PCM1: variants seen among roughly 807,000 people sequenced by gnomAD.
PCM1 encodes pericentriolar material 1 protein.
Under a neutral mutation model 241.9 loss-of-function variants are expected in PCM1, and 157 were observed. The ratio of observed to expected loss-of-function variants is 0.65; its 90% CI spans 0.57 to 0.74. PCM1 has a LOEUF of 0.74. Ranked by LOEUF, PCM1 falls within the 30% of genes least tolerant of loss-of-function variation. PCM1 has a pLI of 0.00. For missense variants in PCM1, 3,478 were observed against 2,360.1 expected, an observed-to-expected ratio of 1.47 and a Z score of -9.81; for synonymous variants, 1,085 against 784.9, an observed-to-expected ratio of 1.38 and a Z score of -6.39.
At position 18,010,679 on chromosome 8, in the gene PCM1, A is replaced by T; in HGVS notation, c.5220+11A>T. On this transcript the variant is annotated intron_variant, in intron 32 of 38. Transcript: ENST00000325083. Reference sequence around the variant, plus strand: ...GATGATGAAGACAAAGTATGTGCTAATTAATTTTTGCCTAAAAATATGGCT... The same window carrying T: ...GATGATGAAGACAAAGTATGTGCTATTTAATTTTTGCCTAAAAATATGGCT... 1 of 1,585,862 alleles carries T rather than the reference A, an allele frequency of 6.3e-7. No homozygotes were observed. The highest frequency in any genetic ancestry group is 8.6e-7 in the Non-Finnish European group (1 of 1,165,320).
intron 21 of PCM1, 66 bp downstream of exon 21, chr8:17,967,236 A>C: frequency 8.9e-7 from 1 of 1,125,496 alleles, no homozygotes; most frequent in Non-Finnish European, 1.3e-6. Flanking sequence ...TAATTTGTCT[A>C]TTGCCTAGAT....
chr8:17,986,133 C>A, intron 26 of PCM1, 46 bp downstream of exon 26: 4 of 1,302,380 alleles, frequency 3.1e-6, no homozygotes, highest in Non-Finnish European at 3.1e-6. Context: ...TTTTAGTATG[C>A]AGTAAATAAA....
At chr8:17,979,783 A>T (rs556989273) in intron 23 of PCM1, among the ~76,000 whole-genome samples, 49 of 91,288 alleles carry the variant, frequency 5.4e-4, no homozygotes, top group African/African-American at 2.4e-3. Flanking sequence ...ATTGTTTTTA[A>T]AATTAAAAAC....
At chr8:17,945,772 C>T (rs572510962) in intron 6 of PCM1, among the ~76,000 whole-genome samples, 3 of 152,220 alleles carry the variant, frequency 2.0e-5, no homozygotes, top group Admixed American at 6.5e-5. Flanking sequence ...ATGTACATAG[C>T]AAGTGTAGAT....
In PCM1 at chr8:17,952,970, C is replaced by A. The variant is rs760562477; in HGVS notation, c.1072C>A (p.Pro358Thr). 13 of 1,545,404 alleles carry A rather than the reference C, an allele frequency of 8.4e-6. No individual in the cohort carries two copies. In the Middle Eastern group the frequency reaches 5.2e-4, roughly 61 times the overall value. ...TTTTTTGTTGTTTTTTTTTAATAAGCCTCCAGCTGTTCCAGACAATAGAAG... is the reference window on the plus strand; with the variant it reads ...TTTTTTGTTGTTTTTTTTTAATAAGACTCCAGCTGTTCCAGACAATAGAAG... ...RFHNQLRDSQ[P>T]PAVPDNRRQA... The change falls in exon 9 of 39, where the codon CCT (proline) becomes ACT (threonine). Residue 358 changes from proline (P) to threonine (T), a missense_variant and splice_region_variant. By Grantham distance (38) the Pro-to-Thr change is conservative. Transcript: ENST00000325083.
chr8:17,939,140 T>G (rs1323393215), intron 5 of PCM1, 131 bp downstream of exon 5: 2 of 751,512 alleles, frequency 2.7e-6, no homozygotes, highest in Non-Finnish European at 4.3e-6. Context: ...TGACCTCCTT[T>G]GTTAATCTGC....
intron 29 of PCM1, among the ~76,000 whole-genome samples, chr8:17,995,750 TTA>T: frequency 6.6e-6 from 1 of 152,272 alleles, no homozygotes; most frequent in East Asian, 1.9e-4. Context: ...CATCAGTGTT[TTA>T]TAGTTTTCAT....
At chr8:18,020,732 C>T (rs968492978) in intron 36 of PCM1, among the ~76,000 whole-genome samples, 4 of 152,132 alleles carry the variant, frequency 2.6e-5, no homozygotes, top group Non-Finnish European at 4.4e-5. Context: ...CAGGACAACC[C>T]GAAGAATTAC....
intron 36 of PCM1, among the ~76,000 whole-genome samples, chr8:18,021,707 C>G (rs1298064595): frequency 1.3e-5 from 2 of 152,206 alleles, no homozygotes; most frequent in African/African-American, 4.8e-5. Flanking sequence ...TATCTTGAAA[C>G]TAAAATTAGC....
At chr8:17,959,450 G>A (rs2070547904) in intron 13 of PCM1, among the ~76,000 whole-genome samples, 1 of 151,984 alleles carries the variant, frequency 6.6e-6, no homozygotes. Context: ...TCGCTATTTA[G>A]AAACAATGCA....
intron 36 of PCM1, among the ~76,000 whole-genome samples, chr8:18,023,241 T>C (rs961199627): frequency 2.0e-5 from 3 of 152,244 alleles, no homozygotes; most frequent in Non-Finnish European, 4.4e-5. Context: ...GATATGACTC[T>C]TTAAATGGTT....
chr8:17,923,509 C>T (rs1331203098), intron 1 of PCM1, among the ~76,000 whole-genome samples: 1 of 152,152 alleles, frequency 6.6e-6, no homozygotes, highest in Admixed American at 6.5e-5. Context: ...CCGGCTATAC[C>T]CCTTGCGGGC....
At chr8:18,017,081 A>C (rs934907956) in intron 36 of PCM1, among the ~76,000 whole-genome samples, 4 of 152,224 alleles carry the variant, frequency 2.6e-5, no homozygotes, top group African/African-American at 9.6e-5. Context: ...CATAAGCCTC[A>C]GAAGAGTATT....
intron 8 of PCM1, among the ~76,000 whole-genome samples, chr8:17,951,780 TTTAG>T (rs2066112623): frequency 6.6e-6 from 1 of 152,170 alleles, no homozygotes; most frequent in Non-Finnish European, 1.5e-5. Context: ...CAAACAGAGC[TTTAG>T]TTAAATCTGT....
chr8:17,960,038 A>G lies in PCM1; in HGVS notation c.2065A>G (p.Ile689Val), dbSNP rs768834614. 4 of 1,612,812 alleles carry G rather than the reference A, an allele frequency of 2.5e-6. No homozygotes were observed. The highest frequency in any genetic ancestry group is 2.2e-5 in the South Asian group (2 of 90,724). ...GGATGATGATGCAGCTCAAGGAGTTATCTCTGCCAGTGCATCAAATTTGGA... is the reference window on the plus strand; with the variant it reads ...GGATGATGATGCAGCTCAAGGAGTTGTCTCTGCCAGTGCATCAAATTTGGA... ...VQDDDAAQGV[I>V]SASASNLDDF... The change falls in exon 14 of 39, where the codon ATC becomes GTC. Residue 689 changes from isoleucine to valine, a missense_variant. Coordinates refer to ENST00000325083, the MANE Select transcript of PCM1 (RefSeq NM_006197.4).
Position 17,966,034 on chromosome 8 carries a change from A to G in PCM1, c.2891A>G (p.Asn964Ser). 1 of 1,612,114 alleles carries G rather than the reference A, an allele frequency of 6.2e-7. No homozygotes were observed. Among genetic ancestry groups the G allele is most frequent in the Non-Finnish European group, 8.5e-7 (1 of 1,178,910 alleles). Residue 964 changes from asparagine (N) to serine (S), a missense_variant, in exon 19 of 39, where the codon AAT becomes AGT. Asn to Ser is a conservative substitution (Grantham distance 46). Coordinates refer to ENST00000325083, the MANE Select transcript of PCM1 (RefSeq NM_006197.4). Reference sequence around the variant, plus strand: ...AATTGCCCTTTTTCGGCAGATGAAAATTATCGTCCTTTAGCCAAGACAAGG... The same window carrying G: ...AATTGCCCTTTTTCGGCAGATGAAAGTTATCGTCCTTTAGCCAAGACAAGG... Reference protein sequence around the residue: ...KNNCPFSADENYRPLAKTRQQ... With the variant: ...KNNCPFSADESYRPLAKTRQQ...
chr8:17,943,989 A>G (rs1215308196), intron 6 of PCM1, among the ~76,000 whole-genome samples: 2 of 152,304 alleles, frequency 1.3e-5, no homozygotes, highest in East Asian at 3.9e-4. Context: ...ATTTTAAGAC[A>G]TGATGACATC....
chr8:17,942,592 T>G (rs17635220), intron 6 of PCM1, among the ~76,000 whole-genome samples: 39,875 of 152,118 alleles, frequency 0.26, 6,334 homozygotes, highest in African/African-American at 0.45. Flanking sequence ...GGTTGCCTCT[T>G]TTTTTGCTGG....
intron 21 of PCM1, among the ~76,000 whole-genome samples, chr8:17,968,651 A>G (rs965592509): frequency 6.6e-6 from 1 of 151,914 alleles, no homozygotes; most frequent in African/African-American, 2.4e-5. Flanking sequence ...TATAATCACA[A>G]TATATATGTA....
Sources: allele counts gnomAD v4.1 joint callset (sites outside exome capture counted in the v4.1 genomes callset), GRCh38; gene constraint gnomAD v4.1.1; transcripts MANE v1.5; gene names NCBI Gene and HGNC (gene_info 2026-07-23, HGNC 2026-07-21).